Variants in GALNT16 observed in about 807,000 individuals in gnomAD.
GALNT16 encodes the protein UDP-GalNAc:polypeptide N-acetylgalactosaminyltransferase-like protein 1.
GALNT16 carries 40 observed loss-of-function variants against 76.1 expected under a neutral mutation model. That is an observed-to-expected ratio of 0.53 (90% CI 0.41 to 0.68). GALNT16 has a LOEUF of 0.68. Ranked by LOEUF, GALNT16 falls within the 30% of genes least tolerant of loss-of-function variation. The pLI is 0.00. For missense variants in GALNT16, 621 were observed against 731.9 expected, an observed-to-expected ratio of 0.85 and a Z score of 1.75; for synonymous variants, 276 against 285.2, an observed-to-expected ratio of 0.97 and a Z score of 0.32.
At chr14:69,377,359 T>TA in the GALNT16 span, among the ~76,000 whole-genome samples, 476 of 152,366 alleles carry the variant, frequency 3.1e-3, 4 homozygotes, top group African/African-American at 0.011. Flanking sequence ...ATTTTTATTT[T>TA]TATTTTTACC....
chr14:69,342,904 A>G (rs11627470), intron 12 of GALNT16, among the ~76,000 whole-genome samples: 24,648 of 152,080 alleles, frequency 0.16, 2,221 homozygotes, highest in East Asian at 0.29. Flanking sequence ...CCTCCCCAGC[A>G]TCGTCTCCTC....
the GALNT16 span, among the ~76,000 whole-genome samples, chr14:69,383,890 G>A: frequency 6.6e-6 from 1 of 152,182 alleles, no homozygotes; most frequent in Non-Finnish European, 1.5e-5. Context: ...GCTCATGCCT[G>A]TAATATCACT....
intron 13 of GALNT16, among the ~76,000 whole-genome samples, chr14:69,347,587 T>G (rs1402120834): frequency 1.3e-5 from 2 of 152,176 alleles, no homozygotes; most frequent in African/African-American, 2.4e-5. Flanking sequence ...CTTGGTTCCA[T>G]GTCTTGTCAT....
intron 5 of GALNT16, 23 bp from the exon 6 acceptor site, chr14:69,328,427 A>G: frequency 1.9e-6 from 3 of 1,610,560 alleles, no homozygotes; most frequent in Non-Finnish European, 1.7e-6. Flanking sequence ...CCCAGCGCCA[A>G]GCCCTATCTA....
chr14:69,354,965 G>T (rs941248101), downstream of GALNT16: 5 of 152,368 alleles, frequency 3.3e-5, no homozygotes, highest in South Asian at 2.1e-4. Context: ...GGTAAAAACA[G>T]CAAAATAATT....
intron 1 of GALNT16, among the ~76,000 whole-genome samples, chr14:69,269,616 TTG>T (rs1159307431): frequency 2.0e-5 from 3 of 148,322 alleles, no homozygotes; most frequent in Admixed American, 6.8e-5. Context: ...GTGTTATATG[TTG>T]TGTGTGTGTG....
At chr14:69,312,792 G>A (rs919833438) in intron 1 of GALNT16, among the ~76,000 whole-genome samples, 21 of 152,316 alleles carry the variant, frequency 1.4e-4, no homozygotes, top group Admixed American at 6.5e-4. Flanking sequence ...GGAAGGAAGC[G>A]ACCTCCAGCC....
chr14:69,292,021 T>TC (rs1388751969), intron 1 of GALNT16, among the ~76,000 whole-genome samples: 1 of 152,192 alleles, frequency 6.6e-6, no homozygotes, highest in Non-Finnish European at 1.5e-5. Context: ...CCTGGGTCCT[T>TC]CCTCAAGACA....
chr14:69,337,727 C>G (rs150946601), intron 9 of GALNT16, among the ~76,000 whole-genome samples: 1 of 152,174 alleles, frequency 6.6e-6, no homozygotes, highest in Non-Finnish European at 1.5e-5. Flanking sequence ...CACATCTGGA[C>G]GTCACTTGGT....
Position 69,338,767 on chromosome 14 carries a change from AC to A in GALNT16, c.1086del (p.Tyr363ThrfsTer39). ...PYNFPEGNALTYIRNTKRTAE... is the reference protein window; with the variant it reads ...PYNFPEGNALXYIRNTKRTAE... ...CAACTTCCCTGAGGGTAATGCCCTCACCTACATCAGGTAGGTCACCGAGAAA... is the reference window on the plus strand; with the variant it reads ...CAACTTCCCTGAGGGTAATGCCCTCACTACATCAGGTAGGTCACCGAGAAA... On this transcript the variant is annotated frameshift_variant, in exon 10 of 15. Coordinates refer to ENST00000448469, the MANE Select transcript of GALNT16 (RefSeq NM_001168368.2). LOFTEE classifies it high-confidence loss of function. 1.2e-6 allele frequency: 2 copies of A among 1,612,954 alleles called. No homozygotes were observed. The highest frequency in any genetic ancestry group is 1.7e-6 in the Non-Finnish European group (2 of 1,179,490).
the GALNT16 span, chr14:69,380,619 T>G: frequency 6.2e-7 from 1 of 1,611,180 alleles, no homozygotes; most frequent in Non-Finnish European, 8.5e-7. Flanking sequence ...AAGGCTGGTA[T>G]GTCTGGGTAT....
chr14:69,385,851 T>C, the GALNT16 span, among the ~76,000 whole-genome samples: 2 of 152,170 alleles, frequency 1.3e-5, no homozygotes, highest in Non-Finnish European at 2.9e-5. Flanking sequence ...ATCAATGATA[T>C]GACACACTTC....
rs2044276596 is a variant in GALNT16 at position 69,261,711 on chromosome 14, G to A, written c.177+1244G>A. Among the ~76,000 whole-genome samples the A allele has an allele frequency of 6.6e-6, 1 of 152,160 alleles. No individual in the cohort carries two copies. The highest frequency in any genetic ancestry group is 1.5e-5 in the Non-Finnish European group (1 of 68,026). On this transcript the variant is annotated intron_variant, in intron 1 of 14. Coordinates refer to ENST00000448469, the MANE Select transcript of GALNT16 (RefSeq NM_001168368.2). This position sits in a 1 kb window ranked among gnomAD's most constrained non-coding sequence, Gnocchi z 6.4. ...CCCAGGAATATCGGGAAGTTCATTGGAGAGTGTCCCCTCATATTCCCATCC... is the reference window on the plus strand; with the variant it reads ...CCCAGGAATATCGGGAAGTTCATTGAAGAGTGTCCCCTCATATTCCCATCC...
chr14:69,331,667 C>A (rs1594857381), intron 7 of GALNT16, 116 bp downstream of exon 7: 1 of 708,996 alleles, frequency 1.4e-6, no homozygotes, highest in South Asian at 1.6e-5. Context: ...CTCATGAACA[C>A]CCCTTCCACC....
chr14:69,359,226 C>T (rs558416708), downstream of GALNT16: 1 of 152,362 alleles, frequency 6.6e-6, no homozygotes, highest in African/African-American at 2.4e-5. Context: ...TCATACCTCC[C>T]ACTGCTACAG....
At chr14:69,351,956 G>A in intron 14 of GALNT16, 75 bp from the exon 15 acceptor site, 1 of 1,399,988 alleles carries the variant, frequency 7.1e-7, no homozygotes, top group Non-Finnish European at 9.9e-7. Context: ...CATACATGTG[G>A]AATGAAAGTA....
the GALNT16 span, among the ~76,000 whole-genome samples, chr14:69,377,804 C>CAAAAAAAAAAA: frequency 8.0e-5 from 3 of 37,484 alleles, no homozygotes; most frequent in Admixed American, 5.8e-4. Context: ...GAGACTGTCT[C>CAAAAAAAAAAA]AAAAAAAAAA....
intron 2 of GALNT16, among the ~76,000 whole-genome samples, chr14:69,323,659 C>T (rs118024776): frequency 0.012 from 1,903 of 152,270 alleles, 23 homozygotes; most frequent in Non-Finnish European, 0.02. Context: ...AATTTCCCTC[C>T]GCCACCACTA....
the GALNT16 span, among the ~76,000 whole-genome samples, chr14:69,373,982 C>A: frequency 6.6e-6 from 1 of 152,070 alleles, no homozygotes; most frequent in Non-Finnish European, 1.5e-5. Flanking sequence ...GGTTTTGCCA[C>A]GTTGCCCAGG....
Sources: allele counts gnomAD v4.1 joint callset (sites outside exome capture counted in the v4.1 genomes callset), GRCh38; gene constraint gnomAD v4.1.1; non-coding constraint Gnocchi (gnomAD v3.1); transcripts MANE v1.5; gene names NCBI Gene and HGNC (gene_info 2026-07-23, HGNC 2026-07-21).